Variants in HAS1 observed in about 807,000 individuals in gnomAD.
HAS1 encodes HA synthase 1.
HAS1 carries 27 observed loss-of-function variants against 35.0 expected under a neutral mutation model. That is an observed-to-expected ratio of 0.77 (90% CI 0.57 to 1.06). HAS1 has a LOEUF of 1.06. Among genes scored for constraint, HAS1 ranks in the 50% least tolerant of loss-of-function variants. The pLI, the probability that HAS1 is intolerant of heterozygous loss-of-function variation, is 0.00. For missense variants in HAS1, 940 were observed against 814.8 expected, an observed-to-expected ratio of 1.15 and a Z score of -1.87; for synonymous variants, 409 against 371.2, an observed-to-expected ratio of 1.10 and a Z score of -1.17.
intron 1 of HAS1, 181 bp from the exon 2 acceptor site, chr19:51,720,076 G>C (rs2083619945): frequency 7.7e-6 from 4 of 518,118 alleles, no homozygotes; most frequent in Admixed American, 3.9e-5. Context: ...CTGTCTCGCT[G>C]TCTCTCTCTC....
chr19:51,715,321 C>T (rs542491351), intron 4 of HAS1, among the ~76,000 whole-genome samples: 1 of 152,174 alleles, frequency 6.6e-6, no homozygotes, highest in South Asian at 2.1e-4. Flanking sequence ...CACTCCTTAA[C>T]TCTCCATCCT....
Position 51,719,609 on chromosome 19 carries a change from G to A in HAS1, c.296C>T (p.Thr99Ile), listed in dbSNP as rs751700570. The A allele has an allele frequency of 1.0e-5, 16 of 1,540,566 alleles. No homozygotes were observed. In the African/African-American group the frequency reaches 2.2e-4, roughly 21 times the overall value. ...GGGGTCCTCCTGGTAGGCGGAGATG[G>A]TCAGCGCCACACTGCGCGCGGTGGC... is the stretch of plus-strand genomic sequence containing the variant. ...DAATARSVAL[T>I]ISAYQEDPAY... Residue 99 changes from threonine to isoleucine, a missense_variant, in exon 2 of 5, where the codon ACC becomes ATC. Transcript: ENST00000540069.
At chr19:51,723,222 G>A (rs796714220) in intron 1 of HAS1, among the ~76,000 whole-genome samples, 42 of 152,176 alleles carry the variant, frequency 2.8e-4, no homozygotes, top group African/African-American at 1.0e-3. Flanking sequence ...ACCCACTCAG[G>A]CCAAACACAG....
In HAS1 at chr19:51,713,393, G is replaced by C; in HGVS notation, c.*34C>G. The C allele has an allele frequency of 6.9e-7, 1 of 1,456,014 alleles. No individual in the cohort carries two copies. The highest frequency in any genetic ancestry group is 9.1e-7 in the Non-Finnish European group (1 of 1,102,884). The allele number at this position is 1,456,014 out of a possible 1,614,324, so 90.2% of individuals were successfully genotyped here. A position where few individuals can be genotyped will look rare whatever the true frequency, so the allele number is the denominator to read the frequency against. On this transcript the variant is annotated 3_prime_UTR_variant, in exon 5 of 5. Coordinates refer to ENST00000540069, the MANE Select transcript of HAS1 (RefSeq NM_001297436.2). The surrounding 1 kb of genome is among the most constrained non-coding windows in gnomAD (Gnocchi z 4.5). ...CAGCAGCTCTCCTCTGGCCTCCCCT[G>C]AAGACCCTTGAGGCGGCATCCGCGT...
intron 4 of HAS1, 167 bp from the exon 5 acceptor site, chr19:51,714,269 C>T: frequency 8.6e-7 from 1 of 1,165,846 alleles, no homozygotes; most frequent in Middle Eastern, 2.7e-4. Flanking sequence ...GGTTCCTAGG[C>T]CTGGACGCGG....
intron 2 of HAS1, among the ~76,000 whole-genome samples, chr19:51,718,631 G>A (rs937064160): frequency 4.6e-5 from 7 of 152,108 alleles, no homozygotes; most frequent in Non-Finnish European, 8.8e-5. Flanking sequence ...CCGCCTCCCG[G>A]GTTCAAAAGA....
At position 51,719,775 on chromosome 19, in the gene HAS1, G is replaced by T; in HGVS notation, c.130C>A (p.Pro44Thr). Residue 44 changes from proline to threonine, a missense_variant, in exon 2 of 5, where the codon CCG (proline) becomes ACG (threonine). Transcript: ENST00000540069. ...AGGCCGTAGCGATCGGAGGCCAGCGGCACCCCGGCGGCGTAGGCCCAGGTC... is the reference window on the plus strand; with the variant it reads ...AGGCCGTAGCGATCGGAGGCCAGCGTCACCCCGGCGGCGTAGGCCCAGGTC... ...LMTWAYAAGV[P>T]LASDRYGLLA... 6.4e-7 allele frequency: 1 copy of T among 1,561,688 alleles called. No individual in the cohort carries two copies. The highest frequency in any genetic ancestry group is 1.2e-5 in the South Asian group (1 of 85,424).
At position 51,719,554 on chromosome 19, in the gene HAS1, G is replaced by A; in HGVS notation, c.351C>T (p.Ala117=). 1.3e-6 allele frequency: 2 copies of A among 1,546,312 alleles called. No homozygotes were observed. Among genetic ancestry groups the A allele is most frequent in the Non-Finnish European group, 1.7e-6 (2 of 1,145,086 alleles). The change falls in exon 2 of 5, where the codon GCC becomes GCT. Residue 117 remains alanine, a synonymous_variant. Transcript: ENST00000540069. ...GCGCGCGCGGGTACAGCAGGGCGCG[G>A]GCGGACGCCAGGCACTGGCGCAGGT... ...PAYLRQCLAS[A]RALLYPRARL...
chr19:51,717,614 A>C (rs2083596268), intron 2 of HAS1, among the ~76,000 whole-genome samples: 1 of 152,260 alleles, frequency 6.6e-6, no homozygotes, highest in Admixed American at 6.5e-5. Context: ...AGTCAGGAGA[A>C]CCTTTAAAAG....
chr19:51,713,478 G>T lies in HAS1; in HGVS notation c.1683C>A (p.Gly561=). 6.3e-7 allele frequency: 1 copy of T among 1,580,268 alleles called. No homozygotes were observed. The highest frequency in any genetic ancestry group is 2.3e-5 in the East Asian group (1 of 44,210). The change falls in exon 5 of 5, where the codon GGC becomes GGA. Residue 561 remains glycine, a synonymous_variant. Transcript: ENST00000540069. The surrounding 1 kb of genome is among the most constrained non-coding windows in gnomAD (Gnocchi z 4.5). ...TCCGCCGCCGGCAAAGCCTCCGCACGCCCACCCAGTACAGCGTCAACATGG... is the reference window on the plus strand; with the variant it reads ...TCCGCCGCCGGCAAAGCCTCCGCACTCCCACCCAGTACAGCGTCAACATGG... ...WVAMLTLYWV[G]VRRLCRRRTG...
rs758772752 is a variant in HAS1, at chr19:51,713,948, C to T, written c.1213G>A (p.Val405Met). 4 of 1,611,016 alleles carry T rather than the reference C, an allele frequency of 2.5e-6. No homozygotes were observed. The African/African-American group carries it at 4.0e-5, about 16-fold the overall frequency. The change falls in exon 5 of 5, where the codon GTG becomes ATG. Residue 405 changes from valine (V) to methionine (M), a missense_variant. Val to Met is a conservative substitution (Grantham distance 21). Transcript: ENST00000540069. The surrounding 1 kb of genome is among the most constrained non-coding windows in gnomAD (Gnocchi z 4.5). The stretch of plus-strand genomic sequence containing the variant: ...AAGAAGGGGAACAGGCCGGAGACCA[C>T]CGCCTCGTAGGTCATCCACGCATGG... ...RHHAWMTYEA[V>M]VSGLFPFFVA...
intron 2 of HAS1, 24 bp downstream of exon 2, chr19:51,719,182 T>G: frequency 6.9e-7 from 1 of 1,458,516 alleles, no homozygotes; most frequent in Non-Finnish European, 9.2e-7. Flanking sequence ...GGGTCACGAG[T>G]GGGCTGAAGG....
At chr19:51,715,901 C>T (rs2083582967) in intron 4 of HAS1, among the ~76,000 whole-genome samples, 1 of 152,186 alleles carries the variant, frequency 6.6e-6, no homozygotes, top group South Asian at 2.1e-4. Flanking sequence ...ACTGTGCTAC[C>T]TTGGTCTCCA....
intron 1 of HAS1, 99 bp from the exon 2 acceptor site, chr19:51,719,994 C>G: frequency 1.4e-6 from 1 of 698,768 alleles, no homozygotes; most frequent in Non-Finnish European, 2.3e-6. Context: ...TCCCTCCTTC[C>G]CTTTCCCTCC....
In HAS1 at chr19:51,714,046, A is replaced by C. The variant is rs1411067636; in HGVS notation, c.1115T>G (p.Leu372Arg). The C allele has an allele frequency of 1.9e-6, 3 of 1,613,750 alleles. No individual in the cohort carries two copies. Among genetic ancestry groups the C allele is most frequent in the African/African-American group, 2.7e-5 (2 of 74,944 alleles). ...SETPSSFLRW[L>R]SQQTRWSKSY... is the part of the protein sequence containing the mutation. ...CTTGGACCAGCGTGTCTGCTGGCTC[A>C]GCCACCGCAGGAAGGACGAGGGCGT... Residue 372 changes from leucine to arginine, a missense_variant, in exon 5 of 5, where the codon CTG becomes CGG. By Grantham distance (102) the Leu-to-Arg change is moderately radical. Coordinates refer to ENST00000540069, the MANE Select transcript of HAS1 (RefSeq NM_001297436.2).
rs912225936 is a variant in HAS1 at position 51,713,556 on chromosome 19, G to A, written c.1605C>T (p.Ala535=). ...CCCCCGCGGCCAAGTGGTAGGCCTC[G>A]GCTGCGCGGGAAGGGCCGCTCCAGT... The part of the protein sequence containing the change: ...RADWSGPSRA[A]EAYHLAAGAG... The change falls in exon 5 of 5, where the codon GCC becomes GCT. Residue 535 remains alanine, a synonymous_variant. Transcript: ENST00000540069. This position sits in a 1 kb window ranked among gnomAD's most constrained non-coding sequence, Gnocchi z 4.5. 1.9e-6 allele frequency: 3 copies of A among 1,579,882 alleles called. No homozygotes were observed. The highest frequency in any genetic ancestry group is 2.6e-6 in the Non-Finnish European group (3 of 1,163,950).
At chr19:51,722,501 C>A (rs1445042341) in intron 1 of HAS1, among the ~76,000 whole-genome samples, 1 of 152,154 alleles carries the variant, frequency 6.6e-6, no homozygotes, top group Non-Finnish European at 1.5e-5. Flanking sequence ...TTGAAATGAT[C>A]ATATCTTATA....
In HAS1 at chr19:51,719,678, T is replaced by C. The variant is rs2083612753; in HGVS notation, c.227A>G (p.Glu76Gly). The change falls in exon 2 of 5, where the codon GAG becomes GGG. Residue 76 changes from glutamate (E) to glycine (G), a missense_variant. Physicochemically the swap from Glu to Gly is moderately conservative, Grantham distance 98. Coordinates refer to ENST00000540069, the MANE Select transcript of HAS1 (RefSeq NM_001297436.2). ...LVAQSLFAYL[E>G]HRRVAAAARG... The stretch of plus-strand genomic sequence containing the variant: ...CGCCGCCGCCGCCACCCGCCGGTGC[T>C]CCAGGTACGCGAAGAGGCTCTGCGC... The C allele has an allele frequency of 2.6e-6, 4 of 1,554,412 alleles. No homozygotes were observed. Among genetic ancestry groups the C allele is most frequent in the Non-Finnish European group, 2.6e-6 (3 of 1,154,368 alleles).
rs148269958 is a variant in HAS1 at position 51,716,356 on chromosome 19, G to A, written c.958C>T (p.Leu320Phe). 2,518 of 1,613,830 alleles carry A rather than the reference G, an allele frequency of 1.6e-3. 5 individuals carry two copies. The highest frequency in any genetic ancestry group is 1.8e-3 in the Non-Finnish European group (2,167 of 1,179,840). ...AACTTCTGGTTGTACCAGGCCTCAA[G>A]AAACTGCTGCAAGAGGTTATTCCTA... ...LYRNNLLQQFLEAWYNQKFLG... is the reference protein window; with the variant it reads ...LYRNNLLQQFFEAWYNQKFLG... Residue 320 changes from leucine to phenylalanine, a missense_variant, in exon 4 of 5, where the codon CTT becomes TTT. Leu to Phe is a conservative substitution (Grantham distance 22). Transcript: ENST00000540069.
Sources: gnomAD v4.1 joint callset for allele counts (sites outside exome capture counted in the v4.1 genomes callset) on GRCh38, gnomAD v4.1.1 for gene constraint, Gnocchi (gnomAD v3.1) non-coding constraint, MANE v1.5 for transcripts, NCBI Gene and HGNC (gene_info 2026-07-23, HGNC 2026-07-21) for gene names.